Variants in ANKRD31 observed in about 807,000 individuals in gnomAD.
ANKRD31 encodes the protein ankyrin repeat domain-containing protein 31.
ANKRD31 carries 147 observed loss-of-function variants against 186.0 expected under a neutral mutation model. The ratio of observed to expected loss-of-function variants is 0.79; its 90% CI spans 0.69 to 0.91. The LOEUF (loss-of-function observed/expected upper bound fraction) is 0.91. ANKRD31 is among the 40% of genes least tolerant of loss of function. The pLI is 0.00. For synonymous variants in ANKRD31, 673 were observed against 736.4 expected, an observed-to-expected ratio of 0.91 and a Z score of 1.39; for missense variants, 1,986 against 2,148.8, an observed-to-expected ratio of 0.92 and a Z score of 1.50.
In ANKRD31 at chr5:75,104,536, C is replaced by T; in HGVS notation, c.5023G>A (p.Gly1675Arg). 1 of 1,536,870 alleles carries T rather than the reference C, an allele frequency of 6.5e-7. No individual in the cohort carries two copies. Among genetic ancestry groups the T allele is most frequent in the Non-Finnish European group, 8.7e-7 (1 of 1,146,830 alleles). Residue 1675 changes from glycine (G) to arginine (R), a missense_variant, in exon 22 of 26, where the codon GGA becomes AGA. Coordinates refer to ENST00000506364, the MANE Select transcript of ANKRD31 (RefSeq NM_001372053.1). ...QDLSNYDPKR[G>R]NRKTSSQQSP... ...TGCTGGGAACTTGTTTTTCTGTTTC[C>T]TCTTTTGGGATCATAATTGGAAAGG...
chr5:75,103,606 C>G (rs924201397), intron 22 of ANKRD31, among the ~76,000 whole-genome samples: 3 of 152,132 alleles, frequency 2.0e-5, no homozygotes, highest in Non-Finnish European at 4.4e-5. Context: ...ACCCAAATGC[C>G]CATTGATGAT....
chr5:75,192,924 T>C (rs1241589720), intron 8 of ANKRD31, 148 bp from the exon 9 acceptor site: 3 of 650,228 alleles, frequency 4.6e-6, no homozygotes, highest in Non-Finnish European at 7.6e-6. Flanking sequence ...AATACGGAGA[T>C]GGCTCCTGCA....
At chr5:75,157,569 G>A (rs932312000) in intron 11 of ANKRD31, among the ~76,000 whole-genome samples, 2 of 152,226 alleles carry the variant, frequency 1.3e-5, no homozygotes, top group African/African-American at 4.8e-5. Context: ...CAAGGGCATA[G>A]CTGGAAAACC....
At chr5:75,100,545 T>C (rs1483946055) in intron 22 of ANKRD31, among the ~76,000 whole-genome samples, 1 of 152,136 alleles carries the variant, frequency 6.6e-6, no homozygotes, top group Admixed American at 6.6e-5. Flanking sequence ...CCATTATTAT[T>C]GTGTGGGGGT....
chr5:75,116,489 T>C, intron 19 of ANKRD31, 77 bp downstream of exon 19: 1 of 702,120 alleles, frequency 1.4e-6, no homozygotes, highest in Non-Finnish European at 2.0e-6. Flanking sequence ...GTACTGCCAT[T>C]AGCCAATAAC....
chr5:75,068,472 T>C lies in ANKRD31; in HGVS notation c.*47A>G. 7.0e-7 allele frequency: 1 copy of C among 1,422,490 alleles called. No homozygotes were observed. The highest frequency in any genetic ancestry group is 9.2e-7 in the Non-Finnish European group (1 of 1,091,130). The allele number at this position is 1,422,490 out of a possible 1,614,324, so 88.1% of individuals were successfully genotyped here. A position where few individuals can be genotyped will look rare whatever the true frequency, so the allele number is the denominator to read the frequency against. On this transcript the variant is annotated 3_prime_UTR_variant, in exon 26 of 26. Transcript: ENST00000506364. ...ATACAAGATGAAATATAAATGTTTG[T>C]TGGTAATTTGAACAAATATCCAATA...
chr5:75,103,334 A>G (rs1053973243), intron 22 of ANKRD31, among the ~76,000 whole-genome samples: 2 of 152,220 alleles, frequency 1.3e-5, no homozygotes, highest in Non-Finnish European at 2.9e-5. Context: ...GCGATTATTA[A>G]AAAGTCAAGA....
Position 75,169,071 on chromosome 5 carries a change from T to C in ANKRD31, c.1615A>G (p.Ser539Gly), listed in dbSNP as rs942067321. ...TCTGCTCCACCTTTTAATAGTTCAC[T>C]TGCTGTCCGATAAAATCCTCCTACA... is the stretch of plus-strand genomic sequence containing the variant. ...ASVGGFYRTA[S>G]ELLKGGADVN... Residue 539 changes from serine (S) to glycine (G), a missense_variant, in exon 11 of 26, where the codon AGT (serine) becomes GGT (glycine). Coordinates refer to ENST00000506364, the MANE Select transcript of ANKRD31 (RefSeq NM_001372053.1). 1 of 1,537,094 alleles carries C rather than the reference T, an allele frequency of 6.5e-7. No individual in the cohort carries two copies.
At chr5:75,183,623 T>C (rs1332924982) in intron 10 of ANKRD31, among the ~76,000 whole-genome samples, 3 of 151,976 alleles carry the variant, frequency 2.0e-5, no homozygotes, top group Non-Finnish European at 4.4e-5. Flanking sequence ...AATAGTGAAC[T>C]ATACAGAAAA....
intron 1 of ANKRD31, among the ~76,000 whole-genome samples, chr5:75,231,605 T>G (rs757445266): frequency 2.2e-4 from 34 of 152,114 alleles, no homozygotes; most frequent in Non-Finnish European, 4.6e-4. Flanking sequence ...GAATAGACAT[T>G]TCTGCAAAAA....
At chr5:75,098,086 GC>G (rs1369237532) in intron 22 of ANKRD31, among the ~76,000 whole-genome samples, 1 of 151,792 alleles carries the variant, frequency 6.6e-6, no homozygotes, top group Non-Finnish European at 1.5e-5. Flanking sequence ...GTGCAGTGGC[GC>G]AATCTCGGCT....
intron 10 of ANKRD31, among the ~76,000 whole-genome samples, chr5:75,172,136 A>T (rs1264853320): frequency 6.6e-6 from 1 of 152,070 alleles, no homozygotes; most frequent in Non-Finnish European, 1.5e-5. Flanking sequence ...AATGTTACTC[A>T]TGAACATAGA....
At chr5:75,112,152 G>A (rs773086078) in intron 20 of ANKRD31, among the ~76,000 whole-genome samples, 74 of 151,992 alleles carry the variant, frequency 4.9e-4, no homozygotes, top group African/African-American at 1.1e-3. Context: ...GTGCAGTGGC[G>A]CGATCTTGGC....
intron 23 of ANKRD31, among the ~76,000 whole-genome samples, chr5:75,091,036 C>T (rs1745884801): frequency 6.6e-6 from 1 of 152,152 alleles, no homozygotes; most frequent in Non-Finnish European, 1.5e-5. Context: ...GCTATGCAAC[C>T]ATGCCCATGG....
intron 15 of ANKRD31, among the ~76,000 whole-genome samples, chr5:75,142,438 AT>A (rs1751115299): frequency 1.3e-5 from 2 of 151,782 alleles, no homozygotes; most frequent in African/African-American, 4.8e-5. Flanking sequence ...TTATCTATTT[AT>A]TTAAATTTCT....
At chr5:75,156,337 G>T (rs1752172725) in intron 11 of ANKRD31, among the ~76,000 whole-genome samples, 1 of 152,114 alleles carries the variant, frequency 6.6e-6, no homozygotes, top group African/African-American at 2.4e-5. Flanking sequence ...GTATGTATGT[G>T]TGCATGTCCT....
intron 10 of ANKRD31, among the ~76,000 whole-genome samples, chr5:75,177,079 G>C (rs1753869429): frequency 6.6e-6 from 1 of 152,210 alleles, no homozygotes. Flanking sequence ...AGAACTACGT[G>C]ACAAATGCAC....
intron 19 of ANKRD31, among the ~76,000 whole-genome samples, chr5:75,115,383 G>A (rs1427169890): frequency 1.3e-5 from 2 of 152,162 alleles, no homozygotes; most frequent in Non-Finnish European, 2.9e-5. Context: ...AAAAGCAATG[G>A]CAACAAAAGC....
intron 11 of ANKRD31, among the ~76,000 whole-genome samples, chr5:75,167,041 TC>T (rs74699205): frequency 6.6e-6 from 1 of 151,806 alleles, no homozygotes; most frequent in Non-Finnish European, 1.5e-5. Context: ...ACATTTTCAT[TC>T]CCCCTAAAAG....
Sources: allele counts gnomAD v4.1 joint callset (sites outside exome capture counted in the v4.1 genomes callset), GRCh38; gene constraint gnomAD v4.1.1; transcripts MANE v1.5; gene names NCBI Gene and HGNC (gene_info 2026-07-23, HGNC 2026-07-21).